Variants in PACS1 observed in about 807,000 individuals in gnomAD.
The protein encoded by PACS1 is PACS-1.
In PACS1, 24 loss-of-function variants were observed where a neutral mutation model predicts 115.0. The observed-to-expected ratio is 0.21, with a 90% confidence interval of 0.15 to 0.29. The LOEUF (loss-of-function observed/expected upper bound fraction) is 0.29. Ranked by LOEUF, PACS1 falls within the 10% of genes least tolerant of loss-of-function variation. The pLI is 1.00. For synonymous variants in PACS1, 453 were observed against 504.5 expected (o/e 0.90, Z 1.37); for missense variants, 838 against 1,251.2 (o/e 0.67, Z 4.98).
intron 2 of PACS1, among the ~76,000 whole-genome samples, chr11:66,199,038 G>A (rs539143385): frequency 2.6e-5 from 4 of 152,124 alleles, no homozygotes; most frequent in Non-Finnish European, 4.4e-5. Flanking sequence ...AAAAAGGGCC[G>A]GGCGTGGTGG....
chr11:66,211,879 C>T (rs1293812162), intron 4 of PACS1, among the ~76,000 whole-genome samples: 9 of 152,288 alleles, frequency 5.9e-5, no homozygotes, highest in Middle Eastern at 3.4e-3. Flanking sequence ...CTGTGTCCTT[C>T]GTCCCCTTCG....
At chr11:66,173,618 G>A (rs1859789027) in intron 1 of PACS1, among the ~76,000 whole-genome samples, 1 of 152,104 alleles carries the variant, frequency 6.6e-6, no homozygotes, top group Admixed American at 6.5e-5. Context: ...GCTGAGGCAG[G>A]AGAATCGCTT....
Position 66,233,435 on chromosome 11 carries a change from C to A in PACS1, c.1839-350C>A, listed in dbSNP as rs1277387214. The stretch of plus-strand genomic sequence containing the variant: ...CACTCAGGAGTCAGTGCTTCCCCTA[C>A]CCTCAGGGCCTTCTTAAAAGGCCCA... On this transcript the variant is annotated intron_variant, in intron 15 of 23. Coordinates refer to ENST00000320580, the MANE Select transcript of PACS1 (RefSeq NM_018026.4). The surrounding 1 kb of genome is among the most constrained non-coding windows in gnomAD (Gnocchi z 4.5). Among the ~76,000 whole-genome samples, 1 of 152,216 alleles carries A rather than the reference C, an allele frequency of 6.6e-6. No individual in the cohort carries two copies. The highest frequency in any genetic ancestry group is 1.5e-5 in the Non-Finnish European group (1 of 68,040).
At chr11:66,204,424 C>A (rs1265521521) in intron 2 of PACS1, among the ~76,000 whole-genome samples, 1 of 152,088 alleles carries the variant, frequency 6.6e-6, no homozygotes, top group Non-Finnish European at 1.5e-5. Flanking sequence ...GAAAAGGGAA[C>A]CCTCGTACAC....
intron 1 of PACS1, among the ~76,000 whole-genome samples, chr11:66,121,411 G>A (rs1043474089): frequency 1.3e-5 from 2 of 152,126 alleles, no homozygotes; most frequent in African/African-American, 4.8e-5. Flanking sequence ...TCAAGTGAAA[G>A]GAAGAGTTAC....
In PACS1 at chr11:66,071,059, G is replaced by T. The variant is rs11823618; in HGVS notation, c.356+217G>T. ...TGCCTGGGGCCGGGACCACCCTTCT[G>T]TCCTCCCCGAGGGACCTTCTGGCCT... On this transcript the variant is annotated intron_variant, in intron 1 of 23. Coordinates refer to ENST00000320580, the MANE Select transcript of PACS1 (RefSeq NM_018026.4). Among the ~76,000 whole-genome samples the T allele has an allele frequency of 0.026, 3,904 of 152,274 alleles. 175 individuals carry two copies. Among genetic ancestry groups the T allele is most frequent in the African/African-American group, 0.088 (3,650 of 41,552 alleles).
intron 2 of PACS1, among the ~76,000 whole-genome samples, chr11:66,204,635 T>A (rs572074836): frequency 6.6e-6 from 1 of 152,174 alleles, no homozygotes; most frequent in African/African-American, 2.4e-5. Context: ...AAAGAATGAG[T>A]TCCTGTCATT....
At chr11:66,125,517 G>T (rs947709242) in intron 1 of PACS1, among the ~76,000 whole-genome samples, 1 of 152,138 alleles carries the variant, frequency 6.6e-6, no homozygotes, top group Non-Finnish European at 1.5e-5. Context: ...TTTTGAAGAT[G>T]TTCTGGATTC....
At chr11:66,132,602 A>C (rs1858729036) in intron 1 of PACS1, among the ~76,000 whole-genome samples, 1 of 152,154 alleles carries the variant, frequency 6.6e-6, no homozygotes, top group Non-Finnish European at 1.5e-5. Context: ...GGGAATAAAC[A>C]AGAAAAAAAA....
At chr11:66,100,960 G>A in intron 1 of PACS1, 3 of 455,566 alleles carry the variant, frequency 6.6e-6, no homozygotes, top group Non-Finnish European at 1.3e-5. Context: ...CTCCAGCGTG[G>A]AGAGTCACAT....
chr11:66,202,742 A>AAT lies in PACS1; in HGVS notation c.445-7581_445-7580dup, dbSNP rs56203680. ...CATCTCTAGGAAAAAAAAAAAAAAA[A>AAT]ATATATATATATATATATATATATA... On this transcript the variant is annotated intron_variant, in intron 2 of 23. Coordinates refer to ENST00000320580, the MANE Select transcript of PACS1 (RefSeq NM_018026.4). 1.8e-3 allele frequency among the ~76,000 whole-genome samples: 129 copies of AAT among 71,570 alleles called. 2 individuals are homozygous for AAT. Among genetic ancestry groups the AAT allele is most frequent in the Middle Eastern group, 7.1e-3 (1 of 140 alleles). The allele number at this position is 71,570 out of a possible 152,430, so 47.0% of individuals were successfully genotyped here.
chr11:66,122,194 A>G (rs1241756150), intron 1 of PACS1, among the ~76,000 whole-genome samples: 1 of 152,198 alleles, frequency 6.6e-6, no homozygotes, highest in Non-Finnish European at 1.5e-5. Flanking sequence ...TGCTCTATAA[A>G]TGGAACAAAA....
rs566981754 is a variant in PACS1 at position 66,241,111 on chromosome 11, T to C, written c.2430-316T>C. On this transcript the variant is annotated intron_variant, in intron 21 of 23. Transcript: ENST00000320580. ...TGTGTGTGTTATATGTGTGTATATG[T>C]GTGTGCACGCATGCACTTATGTACA... 3 of 300,996 alleles carry C rather than the reference T, an allele frequency of 1.0e-5. No individual in the cohort carries two copies. The South Asian group carries it at 1.2e-4, about 12-fold the overall frequency. 18.6% of individuals were successfully genotyped at this position (300,996 alleles called of 1,614,324 possible). A position where few individuals can be genotyped will look rare whatever the true frequency, so the allele number is the denominator to read the frequency against.
At chr11:66,189,463 T>C (rs1216976677) in intron 1 of PACS1, among the ~76,000 whole-genome samples, 1 of 152,252 alleles carries the variant, frequency 6.6e-6, no homozygotes. Context: ...TCTGCCATAT[T>C]ATCCTATGAT....
intron 10 of PACS1, among the ~76,000 whole-genome samples, chr11:66,224,355 A>C (rs1053890660): frequency 3.3e-5 from 5 of 152,140 alleles, no homozygotes; most frequent in African/African-American, 1.2e-4. Flanking sequence ...TGGGCATGTT[A>C]CCACGCCTTT....
intron 1 of PACS1, among the ~76,000 whole-genome samples, chr11:66,163,682 A>G (rs1859539195): frequency 2.0e-5 from 3 of 152,166 alleles, no homozygotes. Context: ...CAGTAAGATA[A>G]TGGTATTTTC....
chr11:66,107,555 A>G (rs572436191), intron 1 of PACS1, among the ~76,000 whole-genome samples: 66 of 152,336 alleles, frequency 4.3e-4, no homozygotes, highest in African/African-American at 1.4e-3. Flanking sequence ...GGTCAACCAC[A>G]TAGTAAGTGC....
chr11:66,219,711 G>A (rs539122183), intron 7 of PACS1, 35 bp from the exon 8 acceptor site: 18 of 1,568,206 alleles, frequency 1.1e-5, no homozygotes, highest in East Asian at 2.2e-5. Flanking sequence ...CCAAGTGGAC[G>A]TTGCTGAGAA....
At chr11:66,106,716 A>T (rs1367578841) in intron 1 of PACS1, among the ~76,000 whole-genome samples, 2 of 152,100 alleles carry the variant, frequency 1.3e-5, no homozygotes, top group Admixed American at 6.5e-5. Context: ...GGATCACACC[A>T]CTGCACTGCA....
Sources: allele counts gnomAD v4.1 joint callset (sites outside exome capture counted in the v4.1 genomes callset), GRCh38; gene constraint gnomAD v4.1.1; non-coding constraint Gnocchi (gnomAD v3.1); transcripts MANE v1.5; gene names NCBI Gene and HGNC (gene_info 2026-07-23, HGNC 2026-07-21).